Variants in TGOLN2 observed in about 807,000 individuals in gnomAD.
The protein encoded by TGOLN2 is trans-golgi network protein 2.
Under a neutral mutation model 31.3 loss-of-function variants are expected in TGOLN2, and 19 were observed. The observed-to-expected ratio is 0.61, with a 90% CI of 0.42 to 0.89. The LOEUF (loss-of-function observed/expected upper bound fraction) is 0.89. Ranked by LOEUF, TGOLN2 falls within the 40% of genes least tolerant of loss-of-function variation. The pLI, the probability that TGOLN2 is intolerant of heterozygous loss-of-function variation, is 0.00. For synonymous variants in TGOLN2, 222 were observed against 226.7 expected, an observed-to-expected ratio of 0.98 and a Z score of 0.19; for missense variants, 540 against 559.2, an observed-to-expected ratio of 0.97 and a Z score of 0.35.
rs1490995664 is a variant in TGOLN2, at chr2:85,324,914, C to A, written c.1308+1G>T. 4.5e-6 allele frequency: 7 copies of A among 1,554,012 alleles called. No homozygotes were observed. Among genetic ancestry groups the A allele is most frequent in the Non-Finnish European group, 4.4e-6 (5 of 1,147,936 alleles). On this transcript the variant is annotated splice_donor_variant, in intron 3 of 3. Transcript: ENST00000377386. LOFTEE classifies it high-confidence loss of function. ...CATGGACCTGGCTCCTCCTTCCTTA[C>A]CTTCTGGTCCAAACGTTGGTAGTCA...
In TGOLN2 at chr2:85,322,695, T is replaced by C. The variant is rs755805020; in HGVS notation, c.*41A>G. ...GCTGAAACGAGAGCAGCACAATCCA[T>C]TGGTGACGTTCATCTTTTTCCAGAG... is the stretch of plus-strand genomic sequence containing the variant. On this transcript the variant is annotated 3_prime_UTR_variant, in exon 4 of 4. Coordinates refer to ENST00000377386, the MANE Select transcript of TGOLN2 (RefSeq NM_006464.4). 2.3e-5 allele frequency: 37 copies of C among 1,611,514 alleles called. No homozygotes were observed. The highest frequency in any genetic ancestry group is 4.4e-5 in the South Asian group (4 of 90,514).
chr2:85,323,059 C>A (rs1451476948), intron 3 of TGOLN2, among the ~76,000 whole-genome samples: 1 of 152,116 alleles, frequency 6.6e-6, no homozygotes, highest in Non-Finnish European at 1.5e-5. Flanking sequence ...CTCACTGCAA[C>A]CTCTGCCTCC....
intron 3 of TGOLN2, among the ~76,000 whole-genome samples, chr2:85,323,859 G>C (rs954677876): frequency 6.6e-6 from 1 of 152,232 alleles, no homozygotes; most frequent in African/African-American, 2.4e-5. Context: ...AACGCAGTGA[G>C]AGTACAGTCT....
Position 85,326,666 on chromosome 2 carries a change from C to A in TGOLN2, c.1066G>T (p.Glu356Ter). 6.2e-7 allele frequency: 1 copy of A among 1,614,046 alleles called. No individual in the cohort carries two copies. The highest frequency in any genetic ancestry group is 8.5e-7 in the Non-Finnish European group (1 of 1,179,892). ...MSGSASSENR[E>*]GTLSDSTGSE... is the part of the protein sequence containing the mutation. The stretch of plus-strand genomic sequence containing the variant: ...CCCGTGGAATCCGAAAGTGTCCCTT[C>A]ACGGTTCTCACTGGAGGCAGAACCG... Residue 356 changes from glutamate (E) to a stop codon, truncating the protein, a stop_gained, in exon 2 of 4, where the codon GAA becomes TAA. Coordinates refer to ENST00000377386, the MANE Select transcript of TGOLN2 (RefSeq NM_006464.4). LOFTEE classifies it high-confidence loss of function.
chr2:85,324,738 T>C (rs939956490), intron 3 of TGOLN2, 177 bp downstream of exon 3: 44 of 649,212 alleles, frequency 6.8e-5, no homozygotes, highest in African/African-American at 4.2e-4. Flanking sequence ...GTCACAGATA[T>C]GTGTATCTAG....
chr2:85,322,307 A>G lies in TGOLN2; in HGVS notation c.*429T>C, dbSNP rs1303937268. ...TGCAGAGAGAAACAGTGCAGAGTGC[A>G]ATGCCACAGTCAAGGACCAACTTTC... On this transcript the variant is annotated 3_prime_UTR_variant, in exon 4 of 4. Transcript: ENST00000377386. The G allele has an allele frequency of 1.5e-5, 4 of 270,416 alleles. No homozygotes were observed. The highest frequency in any genetic ancestry group is 2.8e-5 in the Non-Finnish European group (4 of 142,450). The allele number at this position is 270,416 out of a possible 1,614,324, so 16.8% of individuals were successfully genotyped here.
In TGOLN2 at chr2:85,320,419, A is replaced by C. The variant is rs1237414091; in HGVS notation, c.*2317T>G. 6.6e-6 allele frequency: 1 copy of C among 152,218 alleles called. No homozygotes were observed. The highest frequency in any genetic ancestry group is 1.5e-5 in the Non-Finnish European group (1 of 68,040). The allele number at this position is 152,218 out of a possible 1,614,324, so 9.4% of individuals were successfully genotyped here. ...GGGTGTGCAATAAGAGAAGCAAGGA[A>C]AATGGAAAGACTGTAGCTGAGGATC... On this transcript the variant is annotated 3_prime_UTR_variant, in exon 4 of 4. Transcript: ENST00000377386.
Position 85,321,223 on chromosome 2 carries a change from T to G in TGOLN2, c.*1513A>C, listed in dbSNP as rs539244571. The G allele has an allele frequency of 6.6e-6, 1 of 152,598 alleles. No homozygotes were observed. Among genetic ancestry groups the G allele is most frequent in the East Asian group, 1.9e-4 (1 of 5,188 alleles). The allele number at this position is 152,598 out of a possible 1,614,324, so 9.5% of individuals were successfully genotyped here. A position where few individuals can be genotyped will look rare whatever the true frequency, so the allele number is the denominator to read the frequency against. On this transcript the variant is annotated 3_prime_UTR_variant, in exon 4 of 4. Coordinates refer to ENST00000377386, the MANE Select transcript of TGOLN2 (RefSeq NM_006464.4). Reference sequence around the variant, plus strand: ...GATTCCTCAGGTTGGTGCAAAGTATTATAAGACTAACGCATCAGTACAGAG... The same window carrying G: ...GATTCCTCAGGTTGGTGCAAAGTATGATAAGACTAACGCATCAGTACAGAG...
At chr2:85,325,120 G>C (rs1192108214) in intron 2 of TGOLN2, 122 bp from the exon 3 acceptor site, 2 of 838,048 alleles carry the variant, frequency 2.4e-6, no homozygotes, top group East Asian at 5.3e-5. Context: ...AGAAAGAGCA[G>C]TACACTCACA....
intron 2 of TGOLN2, 47 bp downstream of exon 2, chr2:85,326,461 G>A: frequency 6.3e-7 from 1 of 1,583,710 alleles, no homozygotes; most frequent in Non-Finnish European, 8.6e-7. Context: ...CAAGCTTCCA[G>A]GGTGCTGGAA....
chr2:85,324,413 T>TC (rs1275320930), intron 3 of TGOLN2: 6 of 145,570 alleles, frequency 4.1e-5, no homozygotes, highest in African/African-American at 2.7e-5. Flanking sequence ...AGAGCAAAAC[T>TC]CCATCTCCAA....
In TGOLN2 at chr2:85,318,830, A is replaced by G. The variant is rs900519915; in HGVS notation, c.*3906T>C. 6.6e-6 allele frequency: 1 copy of G among 151,590 alleles called. No homozygotes were observed. Among genetic ancestry groups the G allele is most frequent in the African/African-American group, 2.4e-5 (1 of 41,074 alleles). 9.4% of individuals were successfully genotyped at this position (151,590 alleles called of 1,614,324 possible). On this transcript the variant is annotated 3_prime_UTR_variant, in exon 4 of 4. Coordinates refer to ENST00000377386, the MANE Select transcript of TGOLN2 (RefSeq NM_006464.4). The stretch of plus-strand genomic sequence containing the variant: ...ACAGACTGGCCTTCAACTTCCCCTG[A>G]GTCCAGAAGTAGACTCTTTCAGCAA...
intron 3 of TGOLN2, among the ~76,000 whole-genome samples, chr2:85,324,220 C>A (rs897893639): frequency 6.6e-6 from 1 of 151,946 alleles, no homozygotes. Flanking sequence ...GTTGGGAGTT[C>A]GAGACCAGCC....
chr2:85,327,893 G>T, intron 1 of TGOLN2, 24 bp downstream of exon 1: 1 of 1,595,284 alleles, frequency 6.3e-7, no homozygotes, highest in Non-Finnish European at 8.5e-7. Flanking sequence ...GGGCAAGAGT[G>T]GGATGCGGGA....
chr2:85,323,211 G>A (rs1343643437), intron 3 of TGOLN2, among the ~76,000 whole-genome samples: 1 of 152,152 alleles, frequency 6.6e-6, no homozygotes, highest in Non-Finnish European at 1.5e-5. Context: ...CAGGTGATCT[G>A]CCTCCCAAAC....
chr2:85,327,052 T>G lies in TGOLN2; in HGVS notation c.680A>C (p.Glu227Ala), dbSNP rs1021451242. The stretch of plus-strand genomic sequence containing the variant: ...GGGCCCGTCTATTGGGCCCTGCTCC[T>G]CTGCACCGGACTTGTTAGAGCCGTC... The part of the protein sequence containing the change: ...PKDGSNKSGA[E>A]EQGPIDGPSK... The change falls in exon 2 of 4, where the codon GAG becomes GCG. Residue 227 changes from glutamate (E) to alanine (A), a missense_variant. By Grantham distance (107) the Glu-to-Ala change is moderately radical. Coordinates refer to ENST00000377386, the MANE Select transcript of TGOLN2 (RefSeq NM_006464.4). 25 of 1,613,602 alleles carry G rather than the reference T, an allele frequency of 1.5e-5. No individual in the cohort carries two copies. Among genetic ancestry groups the G allele is most frequent in the Non-Finnish European group, 2.0e-5 (24 of 1,179,774 alleles).
Position 85,320,035 on chromosome 2 carries a change from G to C in TGOLN2, c.*2701C>G, listed in dbSNP as rs555466469. ...GGGCCCTGACGAAACAGGCGGATTG[G>C]GGAAGGAGAAAGAAGGAAGGGAGAG... is the stretch of plus-strand genomic sequence containing the variant. On this transcript the variant is annotated 3_prime_UTR_variant, in exon 4 of 4. Transcript: ENST00000377386. The C allele has an allele frequency of 6.6e-6, 1 of 152,372 alleles. No homozygotes were observed. The highest frequency in any genetic ancestry group is 1.5e-5 in the Non-Finnish European group (1 of 68,176). The allele number at this position is 152,372 out of a possible 1,614,324, so 9.4% of individuals were successfully genotyped here.
rs1030723744 is a variant in TGOLN2, at chr2:85,320,201, T to C, written c.*2535A>G. 1.1e-4 allele frequency: 17 copies of C among 152,254 alleles called. No individual in the cohort carries two copies. Among genetic ancestry groups the C allele is most frequent in the African/African-American group, 3.6e-4 (15 of 41,450 alleles). The allele number at this position is 152,254 out of a possible 1,614,324, so 9.4% of individuals were successfully genotyped here. A position where few individuals can be genotyped will look rare whatever the true frequency, so the allele number is the denominator to read the frequency against. ...GGCAGGAGGGTGTCAATCTATAGCA[T>C]CCTGAACCCCAAAAGGTCTGTAACT... On this transcript the variant is annotated 3_prime_UTR_variant, in exon 4 of 4. Transcript: ENST00000377386.
chr2:85,327,270 C>A lies in TGOLN2; in HGVS notation c.462G>T (p.Ser154=), dbSNP rs980552270. Residue 154 remains serine, a synonymous_variant, in exon 2 of 4, where the codon TCG becomes TCT. Coordinates refer to ENST00000377386, the MANE Select transcript of TGOLN2 (RefSeq NM_006464.4). The stretch of plus-strand genomic sequence containing the variant: ...CTTTTTGGGTCTTTGCCTCCGCACC[C>A]GACCTGTTGGGGCTGTCTTCTGGGG... ...AQTPEDSPNR[S]GAEAKTQKDS... The A allele has an allele frequency of 5.6e-6, 9 of 1,612,774 alleles. No individual in the cohort carries two copies. The African/African-American group carries it at 1.1e-4, about 19-fold the overall frequency.
Sources: gnomAD v4.1 joint callset for allele counts (sites outside exome capture counted in the v4.1 genomes callset) on GRCh38, gnomAD v4.1.1 for gene constraint, MANE v1.5 for transcripts, NCBI Gene and HGNC (gene_info 2026-07-23, HGNC 2026-07-21) for gene names.